STAT5B: variants seen among roughly 807,000 people sequenced by gnomAD.
STAT5B encodes transcription factor STAT5B.
A neutral mutation model predicts 107.8 loss-of-function variants in STAT5B; 21 were observed. The ratio of observed to expected loss-of-function variants is 0.19; its 90% CI spans 0.14 to 0.28. STAT5B has a LOEUF of 0.28. STAT5B is among the 10% of genes least tolerant of loss of function. The probability of loss-of-function intolerance (pLI) is 1.00; values close to 1 mark genes in which losing one functional copy is unlikely to be tolerated. For missense variants in STAT5B, 565 were observed against 1,008.2 expected, an observed-to-expected ratio of 0.56 and a Z score of 5.95; for synonymous variants, 325 against 401.7, an observed-to-expected ratio of 0.81 and a Z score of 2.28.
In STAT5B at chr17:42,276,105, G is replaced by C. The variant is rs994214821; in HGVS notation, c.-11+143C>G. 2.7e-5 allele frequency: 4 copies of C among 150,426 alleles called. No individual in the cohort carries two copies. Among genetic ancestry groups the C allele is most frequent in the Non-Finnish European group, 5.9e-5 (4 of 67,470 alleles). The allele number at this position is 150,426 out of a possible 1,614,324, so 9.3% of individuals were successfully genotyped here. On this transcript the variant is annotated intron_variant, in intron 1 of 18. Transcript: ENST00000293328. The surrounding 1 kb of genome is among the most constrained non-coding windows in gnomAD (Gnocchi z 4.8). ...TCCCCGCGCGCGCCCCTCGCCCAGC[G>C]CGCAACCACCGCGGCCCGGGAGTGA... is the stretch of plus-strand genomic sequence containing the variant.
chr17:42,264,157 A>ATTTTAATAGCAAG (rs2080645450), intron 1 of STAT5B, among the ~76,000 whole-genome samples: 1 of 152,074 alleles, frequency 6.6e-6, no homozygotes, highest in Admixed American at 6.5e-5. Flanking sequence ...AGATTTTTCC[A>ATTTTAATAGCAAG]ATTTATTGCT....
intron 13 of STAT5B, among the ~76,000 whole-genome samples, chr17:42,211,569 G>A (rs2080130285): frequency 6.6e-6 from 1 of 152,134 alleles, no homozygotes; most frequent in South Asian, 2.1e-4. Context: ...TGCTAGAGGA[G>A]GAGTTTCTTT....
At chr17:42,282,576 G>A in the STAT5B span, among the ~76,000 whole-genome samples, 1,834 of 152,286 alleles carry the variant, frequency 0.012, 45 homozygotes, top group African/African-American at 0.042. Context: ...CTGACCTCAG[G>A]TGATCCACCT....
In STAT5B at chr17:42,212,144, A is replaced by G; in HGVS notation, c.1520T>C (p.Leu507Pro). Residue 507 changes from leucine (L) to proline (P), a missense_variant, in exon 13 of 19, where the codon CTG (leucine) becomes CCG (proline). Leu to Pro is a moderately conservative substitution (Grantham distance 98, BLOSUM62 -3). Transcript: ENST00000293328. ...AVPDKVLWPQ[L>P]CEALNMKFKA... ...GAATTTCATGTTGAGCGCCTCACAC[A>G]GCTGTGGCCACAGCACTTTGTCAGG... 2 of 1,614,176 alleles carry G rather than the reference A, an allele frequency of 1.2e-6. No individual in the cohort carries two copies. The highest frequency in any genetic ancestry group is 1.7e-6 in the Non-Finnish European group (2 of 1,180,028).
chr17:42,275,576 C>G (rs1052890003), intron 1 of STAT5B: 2 of 152,276 alleles, frequency 1.3e-5, no homozygotes, highest in African/African-American at 4.8e-5. Context: ...TATCTACCCC[C>G]CGACACCAGG....
At chr17:42,257,633 T>C (rs993784821) in intron 1 of STAT5B, among the ~76,000 whole-genome samples, 1 of 152,208 alleles carries the variant, frequency 6.6e-6, no homozygotes, top group Non-Finnish European at 1.5e-5. Flanking sequence ...AAATCCTTTG[T>C]CTTTCAAAGG....
At chr17:42,266,538 T>G (rs1220650072) in intron 1 of STAT5B, among the ~76,000 whole-genome samples, 1 of 147,510 alleles carries the variant, frequency 6.8e-6, no homozygotes, top group Non-Finnish European at 1.5e-5. Flanking sequence ...AGACACTGTC[T>G]CAAAAAATAA....
intron 2 of STAT5B, among the ~76,000 whole-genome samples, chr17:42,230,112 G>A (rs543297847): frequency 1.3e-5 from 2 of 152,058 alleles, no homozygotes; most frequent in Non-Finnish European, 2.9e-5. Context: ...ACTAAACGAG[G>A]TACAGCTGAC....
At chr17:42,282,374 A>G in the STAT5B span, among the ~76,000 whole-genome samples, 1 of 152,018 alleles carries the variant, frequency 6.6e-6, no homozygotes, top group African/African-American at 2.4e-5. Flanking sequence ...CCCAGGCTGG[A>G]GTGCAGTGGT....
chr17:42,202,163 A>T (rs2080049993), intron 18 of STAT5B, 177 bp downstream of exon 18: 1 of 747,970 alleles, frequency 1.3e-6, no homozygotes, highest in Non-Finnish European at 2.2e-6. Context: ...CCGACTCTAA[A>T]CCACCAATCA....
At chr17:42,214,870 C>A (rs568478521) in intron 12 of STAT5B, among the ~76,000 whole-genome samples, 41 of 152,192 alleles carry the variant, frequency 2.7e-4, no homozygotes, top group Admixed American at 9.8e-4. Flanking sequence ...CCGCCTCAGC[C>A]CCCCCCAAGT....
intron 3 of STAT5B, 68 bp downstream of exon 3, chr17:42,227,461 G>T (rs2080283173): frequency 6.2e-7 from 1 of 1,606,078 alleles, no homozygotes; most frequent in African/African-American, 1.3e-5. Context: ...AGGAGAGAAA[G>T]AAAGTCTCTA....
In STAT5B at chr17:42,227,669, C is replaced by T; in HGVS notation, c.145G>A (p.Asp49Asn). Residue 49 changes from aspartate to asparagine, a missense_variant, in exon 3 of 19, where the codon GAT becomes AAT. By Grantham distance (23) the Asp-to-Asn change is conservative. Coordinates refer to ENST00000293328, the MANE Select transcript of STAT5B (RefSeq NM_012448.4). The part of the protein sequence containing the change: ...ESQAWDSVDL[D>N]NPQENIKATQ... ...GCCTTAATGTTCTCCTGTGGATTAT[C>T]AAGATCTACTGAGTCCCTAGGGGAA... is the stretch of plus-strand genomic sequence containing the variant. The T allele has an allele frequency of 6.2e-7, 1 of 1,614,082 alleles. No individual in the cohort carries two copies. Among genetic ancestry groups the T allele is most frequent in the Non-Finnish European group, 8.5e-7 (1 of 1,179,998 alleles).
At chr17:42,225,895 G>A (rs146015053) in intron 3 of STAT5B, among the ~76,000 whole-genome samples, 83 of 152,204 alleles carry the variant, frequency 5.5e-4, no homozygotes, top group African/African-American at 1.8e-3. Context: ...AACCCCAAAT[G>A]AGGAACATTT....
intron 5 of STAT5B, among the ~76,000 whole-genome samples, chr17:42,222,287 T>G (rs1175340847): frequency 6.6e-6 from 1 of 151,958 alleles, no homozygotes; most frequent in African/African-American, 2.4e-5. Context: ...GAGGAAACTA[T>G]TAAAGCTCAA....
chr17:42,213,325 G>A (rs570052501), intron 12 of STAT5B, among the ~76,000 whole-genome samples: 1 of 151,932 alleles, frequency 6.6e-6, no homozygotes, highest in Admixed American at 6.6e-5. Context: ...TCCTACCTCA[G>A]CCTCCCAAAC....
Position 42,223,465 on chromosome 17 carries a change from T to C in STAT5B, c.467A>G (p.Gln156Arg). The stretch of plus-strand genomic sequence containing the variant: ...CTTTTTTAACTCATTCTCTGTGTCC[T>C]GCGTGACCAGTCGCAGCTCCTCAAA... ...QTFEELRLVT[Q>R]DTENELKKLQ... The change falls in exon 5 of 19, where the codon CAG becomes CGG. Residue 156 changes from glutamine (Q) to arginine (R), a missense_variant. Physicochemically the swap from Gln to Arg is conservative, Grantham distance 43 (BLOSUM62 1). This residue lies in a region of STAT5B where 54 missense variants were observed against 49.7 expected (regional missense o/e 1.09). Transcript: ENST00000293328. 6.2e-7 allele frequency: 1 copy of C among 1,614,214 alleles called. No homozygotes were observed. The highest frequency in any genetic ancestry group is 1.1e-5 in the South Asian group (1 of 91,092).
At position 42,216,050 on chromosome 17, in the gene STAT5B, C is replaced by T. The variant is rs775941580; in HGVS notation, c.1437G>A (p.Thr479=). Residue 479 remains threonine (T), a synonymous_variant, in exon 12 of 19, where the codon ACG becomes ACA. Transcript: ENST00000293328. ...AAGCATTGTCCCAGAGAACAGTGGC[C>T]GTCGCATTGTTGTCCTGGCTGCCAT... The part of the protein sequence containing the change: ...IVHGSQDNNA[T]ATVLWDNAFA... The T allele has an allele frequency of 4.3e-6, 7 of 1,613,846 alleles. No homozygotes were observed. Among genetic ancestry groups the T allele is most frequent in the East Asian group, 4.5e-5 (2 of 44,896 alleles).
At chr17:42,226,808 CA>C (rs767274248) in intron 3 of STAT5B, among the ~76,000 whole-genome samples, 2,201 of 47,620 alleles carry the variant, frequency 0.046, 33 homozygotes, top group African/African-American at 0.098. Flanking sequence ...AACTCCATCT[CA>C]AAAAAAAAAA....
Sources: allele counts gnomAD v4.1 joint callset (sites outside exome capture counted in the v4.1 genomes callset), GRCh38; gene constraint gnomAD v4.1.1; regional missense constraint gnomAD v4.1.1; non-coding constraint Gnocchi (gnomAD v3.1); transcripts MANE v1.5; gene names NCBI Gene and HGNC (gene_info 2026-07-23, HGNC 2026-07-21).